Variants in CNPY1 observed in about 807,000 individuals in gnomAD.
CNPY1 encodes the protein protein canopy homolog 1.
In CNPY1, 14 loss-of-function variants were observed where a neutral mutation model predicts 14.4. That is an observed-to-expected ratio of 0.97 (90% CI 0.64 to 1.52). CNPY1 has a LOEUF of 1.52. CNPY1 is among the 40% of genes most tolerant of loss of function. CNPY1 has a pLI of 0.00. For synonymous variants in CNPY1, 43 were observed against 46.5 expected (o/e 0.92, Z 0.31); for missense variants, 129 against 131.5 (o/e 0.98, Z 0.09).
chr7:155,538,023 G>C (rs1470861146), intron 2 of CNPY1, among the ~76,000 whole-genome samples: 1 of 152,222 alleles, frequency 6.6e-6, no homozygotes, highest in African/African-American at 2.4e-5. Flanking sequence ...GCAGTGAACA[G>C]ACACAGACAC....
At chr7:155,541,998 A>T (rs958167857) in intron 2 of CNPY1, among the ~76,000 whole-genome samples, 5 of 151,076 alleles carry the variant, frequency 3.3e-5, no homozygotes, top group African/African-American at 4.9e-5. Context: ...GAAGGCAGCC[A>T]ATGAACGCTG....
intron 2 of CNPY1, among the ~76,000 whole-genome samples, chr7:155,540,772 A>G (rs1161478287): frequency 6.6e-6 from 1 of 152,188 alleles, no homozygotes; most frequent in Non-Finnish European, 1.5e-5. Flanking sequence ...TTCAAAATCT[A>G]AAAGCAAATG....
In CNPY1 at chr7:155,502,548, C is replaced by G. The variant is rs192686856; in HGVS notation, c.*520G>C. On this transcript the variant is annotated 3_prime_UTR_variant, in exon 5 of 5. Transcript: ENST00000636446. ...TTGTGGTTTCTAAAAATTTTAATTT[C>G]ATTCCTGATAAAAAGTGGGTTTCTT... The G allele has an allele frequency of 6.6e-6, 1 of 152,428 alleles. No homozygotes were observed. Among genetic ancestry groups the G allele is most frequent in the African/African-American group, 2.4e-5 (1 of 41,576 alleles). 9.4% of individuals were successfully genotyped at this position (152,428 alleles called of 1,614,324 possible).
intron 2 of CNPY1, among the ~76,000 whole-genome samples, chr7:155,514,015 C>A (rs771192423): frequency 6.6e-6 from 1 of 152,228 alleles, no homozygotes; most frequent in Non-Finnish European, 1.5e-5. Context: ...ACTTTGGGCA[C>A]CCAATTCACA....
At chr7:155,504,727 C>CACACAG (rs1437578432) in intron 4 of CNPY1, among the ~76,000 whole-genome samples, 24 of 144,146 alleles carry the variant, frequency 1.7e-4, no homozygotes, top group African/African-American at 5.9e-4. Flanking sequence ...CACACACACA[C>CACACAG]AGTCACATCT....
chr7:155,513,435 T>C (rs1428041725), intron 2 of CNPY1, among the ~76,000 whole-genome samples: 1 of 152,282 alleles, frequency 6.6e-6, no homozygotes, highest in Admixed American at 6.5e-5. Flanking sequence ...AAAACACAAA[T>C]GTTTCAGTAC....
chr7:155,518,551 G>C (rs1796663629), intron 2 of CNPY1: 1 of 152,224 alleles, frequency 6.6e-6, no homozygotes, highest in African/African-American at 2.4e-5. Context: ...GCATTCGAAA[G>C]CAATGAGAGC....
chr7:155,531,539 G>A (rs569595756), intron 2 of CNPY1, among the ~76,000 whole-genome samples: 1 of 152,220 alleles, frequency 6.6e-6, no homozygotes, highest in African/African-American at 2.4e-5. Flanking sequence ...GCTGCTCAAA[G>A]TGGGTCCTTC....
At chr7:155,537,098 AT>A (rs1441411083) in intron 2 of CNPY1, among the ~76,000 whole-genome samples, 1 of 152,190 alleles carries the variant, frequency 6.6e-6, no homozygotes, top group Non-Finnish European at 1.5e-5. Flanking sequence ...AGCCGGGGCT[AT>A]TTATTACTCC....
chr7:155,513,126 TTG>T (rs944895349), intron 2 of CNPY1, among the ~76,000 whole-genome samples: 1 of 152,230 alleles, frequency 6.6e-6, no homozygotes, highest in African/African-American at 2.4e-5. Flanking sequence ...TATGAGTTTG[TTG>T]TATGACACTT....
intron 2 of CNPY1, among the ~76,000 whole-genome samples, chr7:155,524,749 T>A (rs1304011210): frequency 6.6e-6 from 1 of 152,202 alleles, no homozygotes; most frequent in African/African-American, 2.4e-5. Flanking sequence ...ACAATAAATA[T>A]AATGCACTTG....
At chr7:155,522,476 C>G (rs1008818578) in intron 2 of CNPY1, among the ~76,000 whole-genome samples, 2 of 152,264 alleles carry the variant, frequency 1.3e-5, no homozygotes, top group Admixed American at 1.3e-4. Flanking sequence ...GCTCCAGTTC[C>G]TACCCTGAGG....
At chr7:155,541,118 A>T (rs571178418) in intron 2 of CNPY1, among the ~76,000 whole-genome samples, 118 of 152,286 alleles carry the variant, frequency 7.7e-4, no homozygotes, top group African/African-American at 2.7e-3. Flanking sequence ...GTGGTCTCCC[A>T]CCTGTCCCCA....
At chr7:155,510,101 TGAA>T (rs1796489365) in intron 2 of CNPY1, among the ~76,000 whole-genome samples, 1 of 152,198 alleles carries the variant, frequency 6.6e-6, no homozygotes, top group South Asian at 2.1e-4. Context: ...GAATCACAAA[TGAA>T]CTCGATTTCT....
At chr7:155,544,183 G>A (rs888185678) in intron 2 of CNPY1, among the ~76,000 whole-genome samples, 20 of 146,846 alleles carry the variant, frequency 1.4e-4, no homozygotes, top group African/African-American at 4.1e-4. Context: ...GTCCCTGCAC[G>A]GCCCTCCATC....
At position 155,545,909 on chromosome 7, in the gene CNPY1, G is replaced by A. The variant is rs762558623; in HGVS notation, c.21C>T (p.Asp7=). 4.8e-5 allele frequency: 19 copies of A among 398,550 alleles called. No individual in the cohort carries two copies. The highest frequency in any genetic ancestry group is 5.3e-5 in the Non-Finnish European group (12 of 226,090). 24.7% of individuals were successfully genotyped at this position (398,550 alleles called of 1,614,324 possible). ...TCTTCTTCTGCCGAGCCTTGGTGAT[G>A]TCGTGCTCTATCTCGTCCATCAGCG... The part of the protein sequence containing the change: MDEIEH[D]ITKARQKKTK... The change falls in exon 2 of 5, where the codon GAC becomes GAT. Residue 7 remains aspartate (D), a synonymous_variant. Transcript: ENST00000636446.
intron 2 of CNPY1, among the ~76,000 whole-genome samples, chr7:155,526,581 C>T (rs73163392): frequency 6.6e-6 from 1 of 152,264 alleles, no homozygotes; most frequent in Non-Finnish European, 1.5e-5. Context: ...TACAAATACA[C>T]ACCTCGAAAT....
intron 2 of CNPY1, among the ~76,000 whole-genome samples, chr7:155,527,054 C>CTTTCCTTCTTTCTTT (rs56296833): frequency 1.1e-5 from 1 of 90,344 alleles, no homozygotes; most frequent in East Asian, 3.6e-4. Flanking sequence ...TTCTTTCTTT[C>CTTTCCTTCTTTCTTT]TTTTTTTTTT....
chr7:155,508,093 T>C (rs1796390276), intron 3 of CNPY1, among the ~76,000 whole-genome samples: 1 of 152,246 alleles, frequency 6.6e-6, no homozygotes, highest in African/African-American at 2.4e-5. Context: ...ATTTCAAGGT[T>C]TCAGCAGGCC....
Sources: allele counts gnomAD v4.1 joint callset (sites outside exome capture counted in the v4.1 genomes callset), GRCh38; gene constraint gnomAD v4.1.1; transcripts MANE v1.5; gene names NCBI Gene and HGNC (gene_info 2026-07-23, HGNC 2026-07-21).